The following TP73 variants were observed in gnomAD, a reference collection of about 807,000 sequenced individuals.
TP73 encodes tumor protein p73.
TP73 carries 25 observed loss-of-function variants against 62.5 expected under a neutral mutation model. The observed-to-expected ratio is 0.40, with a 90% CI of 0.29 to 0.56. The LOEUF (loss-of-function observed/expected upper bound fraction) is 0.56. TP73 is among the 20% of genes least tolerant of loss of function. The pLI, the probability that TP73 is intolerant of heterozygous loss-of-function variation, is 0.46. For synonymous variants in TP73, 423 were observed against 377.5 expected, an observed-to-expected ratio of 1.12 and a Z score of -1.40; for missense variants, 754 against 913.3, an observed-to-expected ratio of 0.83 and a Z score of 2.25.
rs199504447 is a variant in TP73 at position 3,707,595 on chromosome 1, G to A, written c.233G>A (p.Arg78His). ...LSSTMDQMSS[R>H]AASASPYTPE... is the part of the protein sequence containing the mutation. ...AGCACCATGGACCAGATGAGCAGCCGCGCGGCCTCGGCCAGCCCCTACACC... is the reference window on the plus strand; with the variant it reads ...AGCACCATGGACCAGATGAGCAGCCACGCGGCCTCGGCCAGCCCCTACACC... The change falls in exon 4 of 14, where the codon CGC becomes CAC. Residue 78 changes from arginine to histidine, a missense_variant. Transcript: ENST00000378295. The A allele has an allele frequency of 1.1e-5, 17 of 1,612,208 alleles. No homozygotes were observed. Among genetic ancestry groups the A allele is most frequent in the Middle Eastern group, 1.6e-4 (1 of 6,082 alleles).
In TP73 at chr1:3,662,466, G is replaced by C. The variant is rs931594302; in HGVS notation, c.-34+9825G>C. 4.6e-5 allele frequency among the ~76,000 whole-genome samples: 7 copies of C among 152,210 alleles called. No individual in the cohort carries two copies. Among genetic ancestry groups the C allele is most frequent in the Non-Finnish European group, 8.8e-5 (6 of 68,038 alleles). On this transcript the variant is annotated intron_variant, in intron 1 of 13. Coordinates refer to ENST00000378295, the MANE Select transcript of TP73 (RefSeq NM_005427.4). The surrounding 1 kb of genome is among the most constrained non-coding windows in gnomAD (Gnocchi z 4.4). The stretch of plus-strand genomic sequence containing the variant: ...CTGAACCAGCTATAGCAGGGGAGTT[G>C]ACTGGTGAATGAAGGTGGTTTCGTC...
At chr1:3,689,108 G>A (rs960989011) in intron 3 of TP73, among the ~76,000 whole-genome samples, 4 of 152,100 alleles carry the variant, frequency 2.6e-5, no homozygotes, top group African/African-American at 9.7e-5. Context: ...AACCCAAGAG[G>A]GGTCCCAGGC....
chr1:3,663,121 C>T lies in TP73; in HGVS notation c.-34+10480C>T, dbSNP rs563404300. On this transcript the variant is annotated intron_variant, in intron 1 of 13. Coordinates refer to ENST00000378295, the MANE Select transcript of TP73 (RefSeq NM_005427.4). The surrounding 1 kb of genome is among the most constrained non-coding windows in gnomAD (Gnocchi z 4.7). ...AAGCCTGGGAGATCAATTCATGCCACCAAGATCAGCTGCAGGCCGGGCCAC... is the reference window on the plus strand; with the variant it reads ...AAGCCTGGGAGATCAATTCATGCCATCAAGATCAGCTGCAGGCCGGGCCAC... Among the ~76,000 whole-genome samples the T allele has an allele frequency of 6.6e-6, 1 of 152,250 alleles. No homozygotes were observed. Among genetic ancestry groups the T allele is most frequent in the East Asian group, 1.9e-4 (1 of 5,160 alleles).
At chr1:3,667,232 G>A (rs779200610) in intron 1 of TP73, among the ~76,000 whole-genome samples, 2 of 152,230 alleles carry the variant, frequency 1.3e-5, no homozygotes, top group Non-Finnish European at 2.9e-5. Flanking sequence ...AAGACAGGAA[G>A]AGGGGGAAAT....
chr1:3,711,467 G>C (rs1216109500), intron 4 of TP73, among the ~76,000 whole-genome samples: 1 of 152,254 alleles, frequency 6.6e-6, no homozygotes, highest in African/African-American at 2.4e-5. Context: ...CTAGCTGTCA[G>C]AACAGCCCGA....
rs747333066 is a variant in TP73, at chr1:3,702,997, G to A, written c.187-4552G>A. ...CAGGCCCCAGGGAAAGCTCCTTGCCGCCAGGCAGGAAGCGAAAGGGAAGAC... is the reference window on the plus strand; with the variant it reads ...CAGGCCCCAGGGAAAGCTCCTTGCCACCAGGCAGGAAGCGAAAGGGAAGAC... On this transcript the variant is annotated intron_variant, in intron 3 of 13. Transcript: ENST00000378295. Among the ~76,000 whole-genome samples, 224 of 152,302 alleles carry A rather than the reference G, an allele frequency of 1.5e-3. 1 individual carries two copies. Among genetic ancestry groups the A allele is most frequent in the Admixed American group, 4.2e-3 (64 of 15,302 alleles).
chr1:3,697,728 C>G (rs889049405), intron 3 of TP73, among the ~76,000 whole-genome samples: 1 of 152,218 alleles, frequency 6.6e-6, no homozygotes, highest in African/African-American at 2.4e-5. Context: ...TGACCAAGGC[C>G]AGTGCACTGG....
intron 1 of TP73, among the ~76,000 whole-genome samples, chr1:3,653,383 C>T (rs1454065885): frequency 2.6e-5 from 4 of 152,230 alleles, no homozygotes; most frequent in Admixed American, 6.5e-5. Flanking sequence ...CTGCCTTTCC[C>T]GGGGCTTGGA....
chr1:3,672,153 G>T lies in TP73; in HGVS notation c.-33-10180G>T, dbSNP rs1167806762. Among the ~76,000 whole-genome samples, 1 of 152,132 alleles carries T rather than the reference G, an allele frequency of 6.6e-6. No individual in the cohort carries two copies. Among genetic ancestry groups the T allele is most frequent in the Non-Finnish European group, 1.5e-5 (1 of 68,000 alleles). On this transcript the variant is annotated intron_variant, in intron 1 of 13. Coordinates refer to ENST00000378295, the MANE Select transcript of TP73 (RefSeq NM_005427.4). This position sits in a 1 kb window ranked among gnomAD's most constrained non-coding sequence, Gnocchi z 5.3. ...AGAAAAGCCCAGAGCCAGGGGTGAGGGGTATGTGTAGGGTGGGGACATCTC... is the reference window on the plus strand; with the variant it reads ...AGAAAAGCCCAGAGCCAGGGGTGAGTGGTATGTGTAGGGTGGGGACATCTC...
At chr1:3,679,805 GTCTCTCTGTC>G (rs1158487989) in intron 1 of TP73, among the ~76,000 whole-genome samples, 1 of 117,496 alleles carries the variant, frequency 8.5e-6, no homozygotes, top group African/African-American at 3.5e-5. Flanking sequence ...CTTTGTCCCT[GTCTCTCTGTC>G]TCTGTCTCTG....
rs371600727 is a variant in TP73, at chr1:3,707,541, C to T, written c.187-8C>T. 41 of 1,600,716 alleles carry T rather than the reference C, an allele frequency of 2.6e-5. No individual in the cohort carries two copies. The African/African-American group carries it at 4.7e-4, about 18-fold the overall frequency. ...TTTCCCCCTCCCTCCTCCCCTTTCC[C>T]GCGCCAGGCCCAGTTCAATCTGCTG... On this transcript the variant is annotated splice_polypyrimidine_tract_variant and splice_region_variant and intron_variant, in intron 3 of 13. Coordinates refer to ENST00000378295, the MANE Select transcript of TP73 (RefSeq NM_005427.4).
In TP73 at chr1:3,730,928, C is replaced by A. The variant is rs556532518; in HGVS notation, c.1347C>A (p.Gly449=). The change falls in exon 12 of 14, where the codon GGC becomes GGA. Residue 449 remains glycine (G), a splice_region_variant and synonymous_variant. Coordinates refer to ENST00000378295, the MANE Select transcript of TP73 (RefSeq NM_005427.4). The part of the protein sequence containing the change: ...SAATPNLGPV[G]PGMLNNHGHA... Reference sequence around the variant, plus strand: ...TGGCCCCACCTGCCTCTCACCCAGGCCCCGGGATGCTCAACAACCATGGCC... The same window carrying A: ...TGGCCCCACCTGCCTCTCACCCAGGACCCGGGATGCTCAACAACCATGGCC... The A allele has an allele frequency of 1.2e-6, 2 of 1,602,348 alleles. No individual in the cohort carries two copies. The highest frequency in any genetic ancestry group is 8.5e-7 in the Non-Finnish European group (1 of 1,175,140).
At chr1:3,732,605 TCC>T in intron 13 of TP73, 140 bp from the exon 14 acceptor site, 1 of 725,566 alleles carries the variant, frequency 1.4e-6, no homozygotes, top group South Asian at 1.9e-5. Flanking sequence ...TGGTGGGCTC[TCC>T]CCCTCCCCCG....
chr1:3,709,918 C>T (rs373556545), intron 4 of TP73, among the ~76,000 whole-genome samples: 3 of 152,310 alleles, frequency 2.0e-5, no homozygotes, highest in African/African-American at 7.2e-5. Context: ...AGGACAGGAG[C>T]AACCCCCTCT....
intron 1 of TP73, among the ~76,000 whole-genome samples, chr1:3,664,650 G>A (rs141858066): frequency 1.8e-3 from 275 of 152,318 alleles, no homozygotes; most frequent in African/African-American, 6.4e-3. Context: ...CCGCCAGACT[G>A]GGGCCTGGTG....
chr1:3,659,775 G>A (rs886902970), intron 1 of TP73, among the ~76,000 whole-genome samples: 13 of 152,042 alleles, frequency 8.6e-5, no homozygotes, highest in African/African-American at 2.7e-4. Context: ...TCTGCCTCCC[G>A]GGTTCAAGTG....
chr1:3,722,391 G>A (rs1446287703), intron 5 of TP73, among the ~76,000 whole-genome samples, 184 bp downstream of exon 5: 1 of 152,246 alleles, frequency 6.6e-6, no homozygotes, highest in African/African-American at 2.4e-5. Flanking sequence ...ACCTGGGGGG[G>A]CCCATGCTCC....
At chr1:3,690,959 C>T (rs1404635028) in intron 3 of TP73, 1 of 1,574,068 alleles carries the variant, frequency 6.4e-7, no homozygotes, top group Non-Finnish European at 8.6e-7. Context: ...GTGTGACGCG[C>T]CATTCATAGG....
chr1:3,695,132 G>A (rs1001256763), intron 3 of TP73, among the ~76,000 whole-genome samples: 1 of 152,240 alleles, frequency 6.6e-6, no homozygotes, highest in Non-Finnish European at 1.5e-5. Flanking sequence ...GCCCAACCCC[G>A]AGGTGGACAC....
Sources: gnomAD v4.1 joint callset for allele counts (sites outside exome capture counted in the v4.1 genomes callset) on GRCh38, gnomAD v4.1.1 for gene constraint, Gnocchi (gnomAD v3.1) non-coding constraint, MANE v1.5 for transcripts, NCBI Gene and HGNC (gene_info 2026-07-23, HGNC 2026-07-21) for gene names.